INTU: variants seen among roughly 807,000 people sequenced by gnomAD.
INTU encodes protein inturned.
Under a neutral mutation model 100.5 loss-of-function variants are expected in INTU, and 68 were observed. The observed-to-expected ratio is 0.68, with a 90% CI of 0.56 to 0.83. INTU has a LOEUF of 0.83. INTU is among the 40% of genes least tolerant of loss of function. The pLI is 0.00. For synonymous variants in INTU, 357 were observed against 395.7 expected (o/e 0.90, Z 1.16); for missense variants, 1,071 against 1,114.7 (o/e 0.96, Z 0.56).
Position 127,705,629 on chromosome 4 carries a change from T to C in INTU, c.1605T>C (p.Leu535=). The change falls in exon 11 of 16, where the codon CTT becomes CTC. Residue 535 remains leucine (L), a synonymous_variant. Coordinates refer to ENST00000335251, the MANE Select transcript of INTU (RefSeq NM_015693.4). The part of the protein sequence containing the change: ...LICSHLPKDD[L]IDIAVYCRHY... Reference sequence around the variant, plus strand: ...GCAGTCATTTGCCCAAGGATGATCTTATTGATATTGCCGTATACTGTCGCC... The same window carrying C: ...GCAGTCATTTGCCCAAGGATGATCTCATTGATATTGCCGTATACTGTCGCC... 5 of 1,613,996 alleles carry C rather than the reference T, an allele frequency of 3.1e-6. No homozygotes were observed. The highest frequency in any genetic ancestry group is 3.4e-6 in the Non-Finnish European group (4 of 1,179,894).
intron 3 of INTU, among the ~76,000 whole-genome samples, chr4:127,660,412 A>G (rs1434748043): frequency 6.6e-6 from 1 of 152,144 alleles, no homozygotes; most frequent in Non-Finnish European, 1.5e-5. Flanking sequence ...GCCAACAGGG[A>G]AAGGACAACA....
chr4:127,669,880 C>G (rs977768721), intron 5 of INTU, among the ~76,000 whole-genome samples: 3 of 151,858 alleles, frequency 2.0e-5, no homozygotes, highest in African/African-American at 7.2e-5. Context: ...AAAAATGCTT[C>G]TGGACATTGG....
chr4:127,636,305 C>T (rs7686395), intron 1 of INTU, among the ~76,000 whole-genome samples: 63,170 of 151,426 alleles, frequency 0.42, 14,002 homozygotes, highest in South Asian at 0.63. Context: ...CAGTGAAGCC[C>T]TATCACCATT....
At chr4:127,692,110 A>G (rs1277726371) in intron 8 of INTU, among the ~76,000 whole-genome samples, 1 of 151,862 alleles carries the variant, frequency 6.6e-6, no homozygotes, top group East Asian at 1.9e-4. Flanking sequence ...TCCTCTGAGT[A>G]GATACCTACT....
chr4:127,663,315 T>A, intron 3 of INTU, 66 bp from the exon 4 acceptor site: 2 of 1,176,788 alleles, frequency 1.7e-6, no homozygotes, highest in South Asian at 2.7e-5. Context: ...CACAGATCCT[T>A]CATTGTGAAA....
At chr4:127,680,774 A>T (rs371832371) in intron 6 of INTU, among the ~76,000 whole-genome samples, 1 of 149,880 alleles carries the variant, frequency 6.7e-6, no homozygotes, top group African/African-American at 2.4e-5. Flanking sequence ...GGAGAAGGAA[A>T]TAAAGGGTAT....
At chr4:127,671,848 T>C (rs1728942090) in intron 5 of INTU, among the ~76,000 whole-genome samples, 1 of 152,036 alleles carries the variant, frequency 6.6e-6, no homozygotes, top group Non-Finnish European at 1.5e-5. Context: ...ATCATGTCAT[T>C]TGCAGCAACG....
intron 2 of INTU, among the ~76,000 whole-genome samples, chr4:127,655,974 T>C (rs1329202195): frequency 2.6e-5 from 4 of 152,088 alleles, no homozygotes; most frequent in African/African-American, 7.2e-5. Flanking sequence ...CGGGTGGGAG[T>C]GACCCGATTT....
intron 1 of INTU, among the ~76,000 whole-genome samples, chr4:127,638,131 A>G (rs751420969): frequency 1.3e-5 from 2 of 152,220 alleles, no homozygotes; most frequent in Non-Finnish European, 2.9e-5. Context: ...GAACACAGAA[A>G]AGAAAACACA....
intron 2 of INTU, among the ~76,000 whole-genome samples, chr4:127,655,507 T>TG (rs1553972424): frequency 2.6e-5 from 4 of 151,148 alleles, no homozygotes; most frequent in South Asian, 2.1e-4. Flanking sequence ...GTTCCCCTGC[T>TG]GGGGGGTGCC....
At chr4:127,699,943 C>G (rs1023278331) in intron 8 of INTU, 67 bp from the exon 9 acceptor site, 5 of 1,155,772 alleles carry the variant, frequency 4.3e-6, no homozygotes, top group Non-Finnish European at 4.9e-6. Context: ...TTTTATATGG[C>G]CATTACTAAA....
At chr4:127,649,262 T>C (rs1727722973) in intron 2 of INTU, among the ~76,000 whole-genome samples, 2 of 152,188 alleles carry the variant, frequency 1.3e-5, no homozygotes, top group Non-Finnish European at 1.5e-5. Context: ...AGCACAGCAT[T>C]GACCTTATTA....
rs1253004333 is a variant in INTU at position 127,674,140 on chromosome 4, A to C, written c.1108A>C (p.Asn370His). 4 of 1,611,494 alleles carry C rather than the reference A, an allele frequency of 2.5e-6. No homozygotes were observed. The Admixed American group carries it at 6.7e-5, about 27-fold the overall frequency. The change falls in exon 6 of 16, where the codon AAT (asparagine) becomes CAT (histidine). Residue 370 changes from asparagine (N) to histidine (H), a missense_variant. Physicochemically the swap from Asn to His is moderately conservative, Grantham distance 68. Coordinates refer to ENST00000335251, the MANE Select transcript of INTU (RefSeq NM_015693.4). ...TQVTSSSLLL[N>H]GKQIHVAYWK... ...GTTTCTTAGTTCATCCCTCCTTTTA[A>C]ATGGAAAACAAATTCATGTGGCTTA... is the stretch of plus-strand genomic sequence containing the variant.
chr4:127,704,592 A>G (rs1299186830), intron 10 of INTU, among the ~76,000 whole-genome samples: 1 of 151,912 alleles, frequency 6.6e-6, no homozygotes, highest in Non-Finnish European at 1.5e-5. Context: ...ACCATGCCTG[A>G]CCAGATTAAG....
chr4:127,691,253 C>T (rs537623353), intron 8 of INTU, among the ~76,000 whole-genome samples: 3 of 152,064 alleles, frequency 2.0e-5, no homozygotes, highest in African/African-American at 7.2e-5. Context: ...TTTATCCATT[C>T]GCTGAAAATC....
At chr4:127,705,017 G>A (rs867333302) in intron 10 of INTU, among the ~76,000 whole-genome samples, 7 of 151,918 alleles carry the variant, frequency 4.6e-5, no homozygotes, top group South Asian at 2.1e-4. Context: ...GTGTGAACCC[G>A]GGAAGCAGAA....
chr4:127,707,659 G>A lies in INTU; in HGVS notation c.2271+690G>A, dbSNP rs180761691. ...TTTGTGTGTCTGTGTGTGTGTGTGT[G>A]TATGTCTCTGTGTGTATTATCCTAT... is the stretch of plus-strand genomic sequence containing the variant. On this transcript the variant is annotated intron_variant, in intron 12 of 15. Coordinates refer to ENST00000335251, the MANE Select transcript of INTU (RefSeq NM_015693.4). Among the ~76,000 whole-genome samples the A allele has an allele frequency of 6.5e-4, 99 of 151,986 alleles. 4 individuals are homozygous for A. In the East Asian group the frequency reaches 0.018, roughly 28 times the overall value.
intron 2 of INTU, among the ~76,000 whole-genome samples, chr4:127,649,500 G>A (rs759143330): frequency 5.5e-4 from 83 of 151,688 alleles, no homozygotes; most frequent in Non-Finnish European, 1.0e-3. Context: ...GGGACCAGAA[G>A]TGCTTCCAAT....
rs1226405780 is a variant in INTU at position 127,717,380 on chromosome 4, G to A, written c.*944G>A. 1.3e-5 allele frequency: 2 copies of A among 152,126 alleles called. No homozygotes were observed. The highest frequency in any genetic ancestry group is 2.9e-5 in the Non-Finnish European group (2 of 68,042). The allele number at this position is 152,126 out of a possible 1,614,324, so 9.4% of individuals were successfully genotyped here. On this transcript the variant is annotated 3_prime_UTR_variant, in exon 16 of 16. Transcript: ENST00000335251. The stretch of plus-strand genomic sequence containing the variant: ...ATGTGTACCACATTTTCTTTATCCA[G>A]TCTATTGCTGATGGGCATTTGGGTT...
Sources: allele counts gnomAD v4.1 joint callset (sites outside exome capture counted in the v4.1 genomes callset), GRCh38; gene constraint gnomAD v4.1.1; transcripts MANE v1.5; gene names NCBI Gene and HGNC (gene_info 2026-07-23, HGNC 2026-07-21).